NF1: variants seen among roughly 807,000 people sequenced by gnomAD.
NF1 encodes neurofibromin 1, also known as neurofibromin.
A neutral mutation model predicts 325.7 loss-of-function variants in NF1; 122 were observed. The ratio of observed to expected loss-of-function variants is 0.37; its 90% CI spans 0.32 to 0.44. The LOEUF is 0.44. Ranked by LOEUF, NF1 falls within the 20% of genes least tolerant of loss-of-function variation. The pLI is 1.00. For missense variants in NF1, 2,140 were observed against 3,415.4 expected (o/e 0.63, Z 9.31); for synonymous variants, 1,091 against 1,186.0 (o/e 0.92, Z 1.65).
Position 31,358,975 on chromosome 17 carries a change from G to T in NF1, c.8120G>T (p.Gly2707Val). 6.2e-7 allele frequency: 1 copy of T among 1,613,770 alleles called. No individual in the cohort carries two copies. Among genetic ancestry groups the T allele is most frequent in the Non-Finnish European group, 8.5e-7 (1 of 1,179,826 alleles). The change falls in exon 56 of 58, where the codon GGT becomes GTT. Residue 2707 changes from glycine to valine, a missense_variant. Transcript: ENST00000358273. ...QYQTSYLQSF[G>V]FNGLWRFAGP... ...AAAATTTGATTTGTTGCAGGTTTTG[G>T]TTTTAATGGCTTGTGGCGGTTTGCA...
rs1025244641 is a variant in NF1 at position 31,095,208 on chromosome 17, T to C, written c.-102T>C. 8.3e-6 allele frequency: 9 copies of C among 1,089,286 alleles called. No individual in the cohort carries two copies. In the African/African-American group the frequency reaches 1.4e-4, roughly 17 times the overall value. The allele number at this position is 1,089,286 out of a possible 1,614,324, so 67.5% of individuals were successfully genotyped here. A position where few individuals can be genotyped will look rare whatever the true frequency, so the allele number is the denominator to read the frequency against. ...GGGAGCCTGCACTCCACAGACCCTC[T>C]CCTTGCCTCTTCCCTCACCTCAGCC... On this transcript the variant is annotated 5_prime_UTR_variant, in exon 1 of 58. Transcript: ENST00000358273.
intron 8 of NF1, among the ~76,000 whole-genome samples, chr17:31,184,646 T>C: frequency 8.2e-6 from 1 of 121,970 alleles, no homozygotes; most frequent in Admixed American, 9.2e-5. Flanking sequence ...AGACTCCGTC[T>C]CAAAAAAAAA....
intron 1 of NF1, among the ~76,000 whole-genome samples, chr17:31,147,931 C>T (rs2143573975): frequency 6.6e-6 from 1 of 152,288 alleles, no homozygotes; most frequent in South Asian, 2.1e-4. Context: ...CTGATGGTTT[C>T]TTCTTCCATT....
At chr17:31,228,847 A>G (rs1747416956) in intron 20 of NF1, among the ~76,000 whole-genome samples, 178 bp from the exon 21 acceptor site, 1 of 152,232 alleles carries the variant, frequency 6.6e-6, no homozygotes. Context: ...TTAGTGTATG[A>G]TAAAAATAGA....
rs1410465727 is a variant in NF1, at chr17:31,232,753, A to G, written c.3368A>G (p.Glu1123Gly). 1 of 1,613,980 alleles carries G rather than the reference A, an allele frequency of 6.2e-7. No homozygotes were observed. The highest frequency in any genetic ancestry group is 2.2e-5 in the East Asian group (1 of 44,868). Residue 1123 changes from glutamate to glycine, a missense_variant, in exon 26 of 58, where the codon GAA (glutamate) becomes GGA (glycine). Physicochemically the swap from Glu to Gly is moderately conservative, Grantham distance 98. Coordinates refer to ENST00000358273, the MANE Select transcript of NF1 (RefSeq NM_001042492.3). The part of the protein sequence containing the change: ...LLNDCSEVED[E>G]SAQTGGRKRG... ...AATGACTGCAGTGAAGTTGAAGATG[A>G]AAGTGCGCAAACAGGTGGCAGGAAA...
At chr17:31,367,277 A>G (rs547608002) in intron 57 of NF1, 5 of 1,310,658 alleles carry the variant, frequency 3.8e-6, no homozygotes, top group Middle Eastern at 2.1e-4. Flanking sequence ...TCCCTCATCA[A>G]GGTACTCTTT....
At chr17:31,247,302 G>A (rs1188705928) in intron 29 of NF1, among the ~76,000 whole-genome samples, 1 of 151,968 alleles carries the variant, frequency 6.6e-6, no homozygotes, top group African/African-American at 2.4e-5. Flanking sequence ...GAAAGTGATA[G>A]TGCTATTGAT....
At chr17:31,137,395 G>T (rs913456674) in intron 1 of NF1, 14 of 152,176 alleles carry the variant, frequency 9.2e-5, no homozygotes, top group African/African-American at 3.4e-4. Context: ...TCTCCTAAAT[G>T]TAATGTCTCA....
At chr17:31,275,586 T>C (rs1414338509) in intron 36 of NF1, among the ~76,000 whole-genome samples, 1 of 152,234 alleles carries the variant, frequency 6.6e-6, no homozygotes, top group Non-Finnish European at 1.5e-5. Context: ...TTGGGTTCAA[T>C]ACTGTAATTC....
intron 11 of NF1, among the ~76,000 whole-genome samples, chr17:31,206,006 C>T (rs1452710635): frequency 6.6e-6 from 1 of 151,764 alleles, no homozygotes; most frequent in Non-Finnish European, 1.5e-5. Context: ...TGCACATGCT[C>T]ATAAAGTGGG....
Position 31,229,275 on chromosome 17 carries a change from C to T in NF1, c.2660C>T (p.Ala887Val), listed in dbSNP as rs1567849029. ...TCAGTGATGTCTTCAGAGGGAAACG[C>T]AGATACACCTGTCAGCAAATTTATG... ...MISVMSSEGNADTPVSKFMDR... is the reference protein window; with the variant it reads ...MISVMSSEGNVDTPVSKFMDR... Residue 887 changes from alanine to valine, a missense_variant, in exon 21 of 58, where the codon GCA becomes GTA. Transcript: ENST00000358273. The T allele has an allele frequency of 1.2e-6, 2 of 1,613,650 alleles. No homozygotes were observed. Among genetic ancestry groups the T allele is most frequent in the Middle Eastern group, 1.7e-4 (1 of 5,804 alleles).
chr17:31,370,331 A>G (rs1428954183), intron 57 of NF1, among the ~76,000 whole-genome samples: 1 of 152,226 alleles, frequency 6.6e-6, no homozygotes, highest in Non-Finnish European at 1.5e-5. Context: ...TGGAAAATTC[A>G]GAAAAATAAA....
chr17:31,343,972 AAAGT>A (rs1270296495), intron 48 of NF1, among the ~76,000 whole-genome samples: 8 of 152,058 alleles, frequency 5.3e-5, no homozygotes, highest in Non-Finnish European at 2.9e-5. Flanking sequence ...AAAAAAAAAA[AAAGT>A]GTTGATTCTT....
At chr17:31,113,794 A>G (rs887486190) in intron 1 of NF1, among the ~76,000 whole-genome samples, 8 of 152,154 alleles carry the variant, frequency 5.3e-5, no homozygotes, top group African/African-American at 1.9e-4. Flanking sequence ...GTGTTTGACC[A>G]CTCAGCCTTT....
chr17:31,137,604 TCCTGTGTTCTC>T (rs1915874453), intron 1 of NF1: 1 of 152,172 alleles, frequency 6.6e-6, no homozygotes, highest in Admixed American at 6.5e-5. Flanking sequence ...GCAGCTATCA[TCCTGTGTTCTC>T]CCTTCAGCAT....
Position 31,273,425 on chromosome 17 carries a change from A to C in NF1, c.4835+8086A>C, listed in dbSNP as rs542574200. Among the ~76,000 whole-genome samples, 3 of 152,322 alleles carry C rather than the reference A, an allele frequency of 2.0e-5. No homozygotes were observed. In the East Asian group the frequency reaches 5.8e-4, roughly 29 times the overall value. On this transcript the variant is annotated intron_variant, in intron 36 of 57. Transcript: ENST00000358273. ...CAAATGGGCTCAGACAAGGGGCATAACTTACCTGAGGGTGCATATCTAAAA... is the reference window on the plus strand; with the variant it reads ...CAAATGGGCTCAGACAAGGGGCATACCTTACCTGAGGGTGCATATCTAAAA...
In NF1 at chr17:31,304,672, A is replaced by G. The variant is rs2068660157; in HGVS notation, c.4836-21148A>G. The G allele has an allele frequency of 6.2e-7, 1 of 1,614,048 alleles. No individual in the cohort carries two copies. On this transcript the variant is annotated intron_variant, in intron 36 of 57. Transcript: ENST00000358273. ...AGCACTATCTTCTGATGTACCATTT[A>G]CTTGATCTTTTATTTTCTCTGTTTT... is the stretch of plus-strand genomic sequence containing the variant.
At chr17:31,129,482 A>T (rs1397470592) in intron 1 of NF1, among the ~76,000 whole-genome samples, 5 of 143,322 alleles carry the variant, frequency 3.5e-5, no homozygotes, top group Non-Finnish European at 6.0e-5. Context: ...TTTGAGACAG[A>T]GTAGTGACAC....
chr17:31,278,412 T>C (rs2068048930), intron 36 of NF1, among the ~76,000 whole-genome samples: 1 of 140,476 alleles, frequency 7.1e-6, no homozygotes, highest in Admixed American at 6.9e-5. Context: ...TTTGGGTTTT[T>C]TTTTTTTTTT....
Sources: allele counts gnomAD v4.1 joint callset (sites outside exome capture counted in the v4.1 genomes callset), GRCh38; gene constraint gnomAD v4.1.1; transcripts MANE v1.5; gene names NCBI Gene and HGNC (gene_info 2026-07-23, HGNC 2026-07-21).